ACTA1: variants seen among roughly 807,000 people sequenced by gnomAD.
ACTA1 encodes the protein actin, alpha skeletal muscle.
Under a neutral mutation model 35.8 loss-of-function variants are expected in ACTA1, and 25 were observed. That is an observed-to-expected ratio of 0.70 (90% CI 0.51 to 0.97). ACTA1 has a LOEUF of 0.97. Among genes scored for constraint, ACTA1 ranks in the 50% least tolerant of loss-of-function variants. The pLI, the probability that ACTA1 is intolerant of heterozygous loss-of-function variation, is 0.00. For synonymous variants in ACTA1, 219 were observed against 217.1 expected (o/e 1.01, Z -0.08); for missense variants, 174 against 533.0 (o/e 0.33, Z 6.63).
At chr1:229,433,169 C>T in intron 1 of ACTA1, 42 bp from the exon 2 acceptor site, 3 of 1,610,620 alleles carry the variant, frequency 1.9e-6, no homozygotes, top group South Asian at 2.2e-5. Context: ...GGTGCATCAG[C>T]GCAGAAGTCT....
chr1:229,432,528 G>T (rs750903065), intron 3 of ACTA1, 28 bp downstream of exon 3: 84 of 1,557,040 alleles, frequency 5.4e-5, no homozygotes, highest in Non-Finnish European at 6.9e-5. Context: ...GGGGGCGGGA[G>T]AGGGGACTGG....
chr1:229,432,305 A>G lies in ACTA1; in HGVS notation c.581T>C (p.Ile194Thr). 6.2e-7 allele frequency: 1 copy of G among 1,613,726 alleles called. No individual in the cohort carries two copies. Among genetic ancestry groups the G allele is most frequent in the Non-Finnish European group, 8.5e-7 (1 of 1,179,824 alleles). Reference sequence around the variant, plus strand: ...GAAGGAGTAGCCACGCTCAGTGAGGATCTTCATCAGGTAGTCGGTGAGATC... The same window carrying G: ...GAAGGAGTAGCCACGCTCAGTGAGGGTCTTCATCAGGTAGTCGGTGAGATC... ...GRDLTDYLMK[I>T]LTERGYSFVT... is the part of the protein sequence containing the mutation. The change falls in exon 4 of 7, where the codon ATC becomes ACC. Residue 194 changes from isoleucine (I) to threonine (T), a missense_variant. Transcript: ENST00000366684.
Position 229,431,916 on chromosome 1 carries a change from C to T in ACTA1, c.809-14G>A, listed in dbSNP as rs6673359. ...CCGACTCCATACCTGGGGACCGCGG[C>T]GGGGAGCGTGAGCAGAAGCTCGGGG... On this transcript the variant is annotated splice_polypyrimidine_tract_variant and intron_variant, in intron 5 of 6. Coordinates refer to ENST00000366684, the MANE Select transcript of ACTA1 (RefSeq NM_001100.4). This position sits in a 1 kb window ranked among gnomAD's most constrained non-coding sequence, Gnocchi z 7.1. 9 of 1,611,732 alleles carry T rather than the reference C, an allele frequency of 5.6e-6. No homozygotes were observed. The highest frequency in any genetic ancestry group is 4.5e-5 in the East Asian group (2 of 44,770).
intron 4 of ACTA1, 35 bp downstream of exon 4, chr1:229,432,235 G>C (rs2102735769): frequency 6.2e-7 from 1 of 1,612,890 alleles, no homozygotes; most frequent in Non-Finnish European, 8.5e-7. Flanking sequence ...GGCCGCCGCC[G>C]GCCCTCCCGC....
In ACTA1 at chr1:229,431,670, A is replaced by T. The variant is rs749949117; in HGVS notation, c.991-28T>A. 4 of 1,613,378 alleles carry T rather than the reference A, an allele frequency of 2.5e-6. No homozygotes were observed. Among genetic ancestry groups the T allele is most frequent in the Non-Finnish European group, 3.4e-6 (4 of 1,179,834 alleles). ...GCAAGACAGCGCGTGAGGTGGGGAG[A>T]CCTCACCCTGGAGCCCACCCCGCCG... On this transcript the variant is annotated intron_variant, in intron 6 of 6. Coordinates refer to ENST00000366684, the MANE Select transcript of ACTA1 (RefSeq NM_001100.4). This position sits in a 1 kb window ranked among gnomAD's most constrained non-coding sequence, Gnocchi z 7.1.
chr1:229,431,488 G>A lies in ACTA1; in HGVS notation c.*11C>T. 6.2e-7 allele frequency: 1 copy of A among 1,612,854 alleles called. No individual in the cohort carries two copies. On this transcript the variant is annotated 3_prime_UTR_variant, in exon 7 of 7. Transcript: ENST00000366684. This position sits in a 1 kb window ranked among gnomAD's most constrained non-coding sequence, Gnocchi z 7.1. ...CGTCCTGAGAAGTCGCGTGCTGGAG[G>A]TGGAGTGTGTCTAGAAGCATTTGCG...
intron 1 of ACTA1, among the ~76,000 whole-genome samples, chr1:229,433,344 C>A (rs562674617): frequency 4.6e-5 from 7 of 152,202 alleles, no homozygotes; most frequent in Non-Finnish European, 8.8e-5. Flanking sequence ...GGAAAAGGGG[C>A]ACAGGGTCGC....
Position 229,434,038 on chromosome 1 carries a change from G to A in ACTA1, c.-47C>T, listed in dbSNP as rs572772527. 1 of 152,702 alleles carries A rather than the reference G, an allele frequency of 6.5e-6. No homozygotes were observed. Among genetic ancestry groups the A allele is most frequent in the Non-Finnish European group, 1.5e-5 (1 of 68,438 alleles). The allele number at this position is 152,702 out of a possible 1,614,324, so 9.5% of individuals were successfully genotyped here. The stretch of plus-strand genomic sequence containing the variant: ...TAGCTACAACTGCTACTCTCGGCTC[G>A]GGCCCTGGTCGCCGCGGAGGGGAAG... On this transcript the variant is annotated 5_prime_UTR_variant, in exon 1 of 7. Transcript: ENST00000366684.
rs1007095495 is a variant in ACTA1 at position 229,431,710 on chromosome 1, C to T, written c.990+11G>A. 6.2e-7 allele frequency: 1 copy of T among 1,614,084 alleles called. No individual in the cohort carries two copies. The highest frequency in any genetic ancestry group is 8.5e-7 in the Non-Finnish European group (1 of 1,180,008). On this transcript the variant is annotated intron_variant, in intron 6 of 6. Transcript: ENST00000366684. The surrounding 1 kb of genome is among the most constrained non-coding windows in gnomAD (Gnocchi z 7.1). Reference sequence around the variant, plus strand: ...CCACCCCGCCGACAGCCCGCGCAGGCCACCACCCACCTTGATCTTCATGGT... The same window carrying T: ...CCACCCCGCCGACAGCCCGCGCAGGTCACCACCCACCTTGATCTTCATGGT...
rs1284889070 is a variant in ACTA1, at chr1:229,432,746, C to T, written c.264G>A (p.Trp88Ter). 2 of 1,614,088 alleles carry T rather than the reference C, an allele frequency of 1.2e-6. No homozygotes were observed. The highest frequency in any genetic ancestry group is 1.7e-6 in the Non-Finnish European group (2 of 1,180,048). ...ITNWDDMEKI[W>*]HHTFYNELRV... ...GAAGCTCGTTGTAGAAGGTGTGGTG[C>T]CAGATCTTCTCCATGTCATCCCAGT... The change falls in exon 3 of 7, where the codon TGG becomes TGA. Residue 88 changes from tryptophan (W) to a stop codon, truncating the protein, a stop_gained. Coordinates refer to ENST00000366684, the MANE Select transcript of ACTA1 (RefSeq NM_001100.4). LOFTEE classifies it high-confidence loss of function.
chr1:229,431,945 C>A lies in ACTA1; in HGVS notation c.809-43G>T, dbSNP rs187159043. The A allele has an allele frequency of 1.4e-3, 2,197 of 1,605,240 alleles. 29 individuals are homozygous for A. In the African/African-American group the frequency reaches 0.027, roughly 20 times the overall value. On this transcript the variant is annotated intron_variant, in intron 5 of 6. Transcript: ENST00000366684. The surrounding 1 kb of genome is among the most constrained non-coding windows in gnomAD (Gnocchi z 7.1). The stretch of plus-strand genomic sequence containing the variant: ...GAGCGTGAGCAGAAGCTCGGGGCGC[C>A]GGGGGCCGGCGGGGCCTGGGGGCCG...
In ACTA1 at chr1:229,431,944, C is replaced by T. The variant is rs373224284; in HGVS notation, c.809-42G>A. ...GGAGCGTGAGCAGAAGCTCGGGGCGCCGGGGGCCGGCGGGGCCTGGGGGCC... is the reference window on the plus strand; with the variant it reads ...GGAGCGTGAGCAGAAGCTCGGGGCGTCGGGGGCCGGCGGGGCCTGGGGGCC... On this transcript the variant is annotated intron_variant, in intron 5 of 6. Coordinates refer to ENST00000366684, the MANE Select transcript of ACTA1 (RefSeq NM_001100.4). The surrounding 1 kb of genome is among the most constrained non-coding windows in gnomAD (Gnocchi z 7.1). 48 of 1,607,934 alleles carry T rather than the reference C, an allele frequency of 3.0e-5. No homozygotes were observed. The highest frequency in any genetic ancestry group is 3.7e-5 in the Non-Finnish European group (44 of 1,177,272).
At position 229,432,423 on chromosome 1, in the gene ACTA1, G is replaced by T; in HGVS notation, c.463C>A (p.Leu155Met). The change falls in exon 4 of 7, where the codon CTG (leucine) becomes ATG (methionine). Residue 155 changes from leucine (L) to methionine (M), a missense_variant. Leu to Met is a conservative substitution (Grantham distance 15, BLOSUM62 2). Transcript: ENST00000366684. Reference protein sequence around the residue: ...YASGRTTGIVLDSGDGVTHNV... With the variant: ...YASGRTTGIVMDSGDGVTHNV... ...TGGGTGACGCCGTCGCCGGAGTCCA[G>T]CACGATGCCTGTGCGCGCGCGGGAG... is the stretch of plus-strand genomic sequence containing the variant. 1 of 1,609,886 alleles carries T rather than the reference G, an allele frequency of 6.2e-7. No homozygotes were observed. Among genetic ancestry groups the T allele is most frequent in the Non-Finnish European group, 8.5e-7 (1 of 1,178,656 alleles).
intron 1 of ACTA1, among the ~76,000 whole-genome samples, 158 bp from the exon 2 acceptor site, chr1:229,433,285 A>G (rs1659993810): frequency 6.6e-6 from 1 of 152,214 alleles, no homozygotes; most frequent in Non-Finnish European, 1.5e-5. Context: ...GGCGGCGACC[A>G]GGGGTTCTCT....
intron 1 of ACTA1, among the ~76,000 whole-genome samples, chr1:229,433,505 G>A (rs930021589): frequency 2.0e-5 from 3 of 152,238 alleles, no homozygotes; most frequent in African/African-American, 7.2e-5. Flanking sequence ...CACCTAGGGA[G>A]ATAAGGCCTC....
Position 229,432,692 on chromosome 1 carries a change from C to G in ACTA1, c.318G>C (p.Leu106=). The G allele has an allele frequency of 1.2e-6, 2 of 1,614,116 alleles. No individual in the cohort carries two copies. Among genetic ancestry groups the G allele is most frequent in the Non-Finnish European group, 1.7e-6 (2 of 1,180,008 alleles). The change falls in exon 3 of 7, where the codon CTG becomes CTC. Residue 106 remains leucine, a synonymous_variant. Transcript: ENST00000366684. Reference sequence around the variant, plus strand: ...TGGGATTGAGGGGGGCCTCGGTGAGCAGGGTGGGGTGCTCCTCGGGAGCCA... The same window carrying G: ...TGGGATTGAGGGGGGCCTCGGTGAGGAGGGTGGGGTGCTCCTCGGGAGCCA... ...LRVAPEEHPT[L]LTEAPLNPKA...
chr1:229,431,400 G>T lies in ACTA1; in HGVS notation c.*99C>A. 3 of 1,517,556 alleles carry T rather than the reference G, an allele frequency of 2.0e-6. No individual in the cohort carries two copies. Among genetic ancestry groups the T allele is most frequent in the South Asian group, 1.1e-5 (1 of 89,034 alleles). The allele number at this position is 1,517,556 out of a possible 1,614,324, so 94.0% of individuals were successfully genotyped here. A position where few individuals can be genotyped will look rare whatever the true frequency, so the allele number is the denominator to read the frequency against. On this transcript the variant is annotated 3_prime_UTR_variant, in exon 7 of 7. Transcript: ENST00000366684. The surrounding 1 kb of genome is among the most constrained non-coding windows in gnomAD (Gnocchi z 7.1). Reference sequence around the variant, plus strand: ...GTTTACGATGGCAGCAACGGAAGTTGTTACAAAGAAAGTGACTGCGGGGTG... The same window carrying T: ...GTTTACGATGGCAGCAACGGAAGTTTTTACAAAGAAAGTGACTGCGGGGTG...
intron 2 of ACTA1, 32 bp from the exon 3 acceptor site, chr1:229,432,912 C>T: frequency 1.2e-6 from 2 of 1,614,092 alleles, no homozygotes; most frequent in South Asian, 1.1e-5. Flanking sequence ...CACCCGTTAA[C>T]GCCGCTCCGG....
At position 229,432,046 on chromosome 1, in the gene ACTA1, G is replaced by T; in HGVS notation, c.756C>A (p.Ile252=). 1 of 1,612,312 alleles carries T rather than the reference G, an allele frequency of 6.2e-7. No individual in the cohort carries two copies. Among genetic ancestry groups the T allele is most frequent in the Admixed American group, 1.7e-5 (1 of 60,000 alleles). Reference sequence around the variant, plus strand: ...CCGGGCAGCGGAAGCGCTCGTTGCCGATGGTGATGACCTGCCCGTCTGGCA... The same window carrying T: ...CCGGGCAGCGGAAGCGCTCGTTGCCTATGGTGATGACCTGCCCGTCTGGCA... ...YELPDGQVIT[I]GNERFRCPET... Residue 252 remains isoleucine, a synonymous_variant, in exon 5 of 7, where the codon ATC becomes ATA. Transcript: ENST00000366684.
Sources: allele counts gnomAD v4.1 joint callset (sites outside exome capture counted in the v4.1 genomes callset), GRCh38; gene constraint gnomAD v4.1.1; non-coding constraint Gnocchi (gnomAD v3.1); transcripts MANE v1.5; gene names NCBI Gene and HGNC (gene_info 2026-07-23, HGNC 2026-07-21).